TMEM41B: variants seen among roughly 807,000 people sequenced by gnomAD.
TMEM41B encodes transmembrane protein 41B.
Under a neutral mutation model 31.9 loss-of-function variants are expected in TMEM41B, and 18 were observed. That is an observed-to-expected ratio of 0.56 (90% confidence interval 0.39 to 0.84). The LOEUF is 0.84. Among genes scored for constraint, TMEM41B ranks in the 40% least tolerant of loss-of-function variants. The pLI is 0.00. For missense variants in TMEM41B, 322 were observed against 348.0 expected, an observed-to-expected ratio of 0.93 and a Z score of 0.59; for synonymous variants, 144 against 124.3, an observed-to-expected ratio of 1.16 and a Z score of -1.05.
intron 2 of TMEM41B, among the ~76,000 whole-genome samples, chr11:9,296,368 G>T (rs927184510): frequency 6.6e-6 from 1 of 151,918 alleles, no homozygotes; most frequent in African/African-American, 2.4e-5. Context: ...GCTCACGCCT[G>T]TAACCCCAGC....
At chr11:9,291,192 C>CA (rs1852950481) in intron 3 of TMEM41B, among the ~76,000 whole-genome samples, 1 of 151,812 alleles carries the variant, frequency 6.6e-6, no homozygotes, top group South Asian at 2.1e-4. Flanking sequence ...GAGGCCAAGG[C>CA]AGGTGGATCA....
chr11:9,281,142 A>G lies in TMEM41B; in HGVS notation c.*2282T>C, dbSNP rs1023322122. The G allele has an allele frequency of 2.0e-4, 30 of 152,196 alleles. No homozygotes were observed. The highest frequency in any genetic ancestry group is 1.7e-3 in the Admixed American group (26 of 15,276). The allele number at this position is 152,196 out of a possible 1,614,324, so 9.4% of individuals were successfully genotyped here. On this transcript the variant is annotated 3_prime_UTR_variant, in exon 7 of 7. Coordinates refer to ENST00000528080, the MANE Select transcript of TMEM41B (RefSeq NM_015012.4). ...AGTAAGTACAATTTACACACGCTGG[A>G]GTAAATAGTGAAGCTTCTACTGAGT...
In TMEM41B at chr11:9,286,599, A is replaced by G. The variant is rs760701599; in HGVS notation, c.568-6T>C. The G allele has an allele frequency of 4.8e-5, 76 of 1,588,218 alleles. 3 individuals are homozygous for G. The highest frequency in any genetic ancestry group is 1.4e-4 in the South Asian group (12 of 86,596). The stretch of plus-strand genomic sequence containing the variant: ...TGTTCTCTATGACGTTCAACCTGTC[A>G]TAAGAAAGAAAAGAATTAGCATCAG... On this transcript the variant is annotated splice_polypyrimidine_tract_variant and splice_region_variant and intron_variant, in intron 5 of 6. Coordinates refer to ENST00000528080, the MANE Select transcript of TMEM41B (RefSeq NM_015012.4).
intron 6 of TMEM41B, among the ~76,000 whole-genome samples, chr11:9,284,077 C>A (rs951813975): frequency 6.6e-6 from 1 of 151,968 alleles, no homozygotes; most frequent in African/African-American, 2.4e-5. Context: ...AGCCCCTGCA[C>A]CTGGCCAGAA....
chr11:9,300,048 G>A (rs1853209266), intron 1 of TMEM41B, among the ~76,000 whole-genome samples: 1 of 152,156 alleles, frequency 6.6e-6, no homozygotes, highest in Non-Finnish European at 1.5e-5. Flanking sequence ...AAATTTGGGA[G>A]GTAGAGGTTG....
intron 1 of TMEM41B, chr11:9,311,581 G>A (rs1853563564): frequency 1.9e-6 from 2 of 1,057,962 alleles, no homozygotes; most frequent in African/African-American, 1.6e-5. Flanking sequence ...GGGCCTGGGG[G>A]AAAGGGTGGG....
intron 3 of TMEM41B, 184 bp downstream of exon 3, chr11:9,295,075 C>T: frequency 1.2e-6 from 1 of 864,000 alleles, no homozygotes; most frequent in Non-Finnish European, 1.5e-6. Context: ...GACATAAAAA[C>T]AATTAGTTCA....
Position 9,283,343 on chromosome 11 carries a change from G to C in TMEM41B, c.*81C>G. On this transcript the variant is annotated 3_prime_UTR_variant, in exon 7 of 7. Transcript: ENST00000528080. ...AAATTCCTTGTTTAATTACTGAAGA[G>C]GTGATTTTAAAACATAAATGGATGC... 1.8e-6 allele frequency: 2 copies of C among 1,084,566 alleles called. No homozygotes were observed. The highest frequency in any genetic ancestry group is 1.3e-6 in the Non-Finnish European group (1 of 761,064). The allele number at this position is 1,084,566 out of a possible 1,614,324, so 67.2% of individuals were successfully genotyped here. A position where few individuals can be genotyped will look rare whatever the true frequency, so the allele number is the denominator to read the frequency against.
rs1853057405 is a variant in TMEM41B, at chr11:9,295,303, G to C, written c.324C>G (p.Thr108=). ...AAGCTACAAGTACTTGAACATAAAA[G>C]GTGTCCTTGTATTTGGATAAAACTT... ...LGKVLSKYKD[T]FYVQVLVAYF... Residue 108 remains threonine, a synonymous_variant, in exon 3 of 7, where the codon ACC becomes ACG. Transcript: ENST00000528080. 1.3e-6 allele frequency: 2 copies of C among 1,591,636 alleles called. No homozygotes were observed. The highest frequency in any genetic ancestry group is 1.7e-6 in the Non-Finnish European group (2 of 1,164,912).
chr11:9,295,267 T>C lies in TMEM41B; in HGVS notation c.360A>G (p.Thr120=), dbSNP rs752454407. The stretch of plus-strand genomic sequence containing the variant: ...TTCAGTTAAAAGGATACAAAATATA[T>C]GTAGCAAAATAAGCTACAAGTACTT... ...YVQVLVAYFA[T]YIFLQTFAIP... is the part of the protein sequence containing the mutation. Residue 120 remains threonine, a synonymous_variant, in exon 3 of 7, where the codon ACA becomes ACG. Coordinates refer to ENST00000528080, the MANE Select transcript of TMEM41B (RefSeq NM_015012.4). 6 of 1,557,598 alleles carry C rather than the reference T, an allele frequency of 3.9e-6. No homozygotes were observed. Among genetic ancestry groups the C allele is most frequent in the Admixed American group, 1.9e-5 (1 of 51,952 alleles).
intron 2 of TMEM41B, among the ~76,000 whole-genome samples, chr11:9,297,129 G>C (rs1853114918): frequency 6.6e-6 from 1 of 152,134 alleles, no homozygotes; most frequent in Non-Finnish European, 1.5e-5. Context: ...CTGTCGCCCA[G>C]GTTGGAGTGC....
intron 3 of TMEM41B, among the ~76,000 whole-genome samples, chr11:9,289,590 A>G (rs972325367): frequency 6.6e-6 from 1 of 152,178 alleles, no homozygotes; most frequent in African/African-American, 2.4e-5. Context: ...TATAACTTAA[A>G]AAACAACCTC....
chr11:9,311,217 A>G (rs1217553671), intron 1 of TMEM41B: 8 of 1,459,238 alleles, frequency 5.5e-6, no homozygotes, highest in Non-Finnish European at 7.4e-6. Flanking sequence ...ACAACATGGC[A>G]TCTGAAGCTT....
intron 1 of TMEM41B, among the ~76,000 whole-genome samples, chr11:9,312,745 A>C (rs1853590657): frequency 6.6e-6 from 1 of 151,960 alleles, no homozygotes; most frequent in South Asian, 2.1e-4. Context: ...CTCTACTAAA[A>C]ATACAAAAAT....
chr11:9,294,724 A>T (rs1043024055), intron 3 of TMEM41B, among the ~76,000 whole-genome samples: 1 of 152,108 alleles, frequency 6.6e-6, no homozygotes, highest in African/African-American at 2.4e-5. Flanking sequence ...ATATTTCTAT[A>T]AAATATATAT....
chr11:9,283,463 T>C lies in TMEM41B; in HGVS notation c.837A>G (p.Pro279=), dbSNP rs1303259741. The C allele has an allele frequency of 1.9e-6, 3 of 1,604,472 alleles. No homozygotes were observed. Among genetic ancestry groups the C allele is most frequent in the Non-Finnish European group, 8.5e-7 (1 of 1,177,798 alleles). Residue 279 remains proline (P), a synonymous_variant, in exon 7 of 7, where the codon CCA becomes CCG. Coordinates refer to ENST00000528080, the MANE Select transcript of TMEM41B (RefSeq NM_015012.4). ...GCTTTAGTTTTTTTTGGAAGATGGC[T>C]GGCAGAATAGAAAGAACAGCCAAGA... ...LMILAVLSIL[P]AIFQKKLKQK...
intron 2 of TMEM41B, among the ~76,000 whole-genome samples, chr11:9,298,338 A>G (rs552321825): frequency 1.3e-5 from 2 of 151,734 alleles, no homozygotes; most frequent in South Asian, 2.1e-4. Flanking sequence ...GCACACCTGT[A>G]ATTCCAGCTA....
chr11:9,300,706 G>A lies in TMEM41B; in HGVS notation c.122-1005C>T, dbSNP rs368848940. Among the ~76,000 whole-genome samples, 28 of 150,440 alleles carry A rather than the reference G, an allele frequency of 1.9e-4. No homozygotes were observed. In the South Asian group the frequency reaches 2.1e-3, roughly 11 times the overall value. ...ATCCTGGCTAACATGGTGAAACCCC[G>A]TCTCTACTAAAAATACAAAAAATTA... On this transcript the variant is annotated intron_variant, in intron 1 of 6. Transcript: ENST00000528080.
intron 6 of TMEM41B, 59 bp downstream of exon 6, chr11:9,286,396 T>G: frequency 6.6e-7 from 1 of 1,514,848 alleles, no homozygotes; most frequent in Non-Finnish European, 8.9e-7. Context: ...CTAGCCCAGC[T>G]GGACACTGTT....
Sources: allele counts gnomAD v4.1 joint callset (sites outside exome capture counted in the v4.1 genomes callset), GRCh38; gene constraint gnomAD v4.1.1; transcripts MANE v1.5; gene names NCBI Gene and HGNC (gene_info 2026-07-23, HGNC 2026-07-21).